The following TMEM132B variants were observed in gnomAD, a reference collection of about 807,000 sequenced individuals.
TMEM132B encodes the protein transmembrane protein 132B.
A neutral mutation model predicts 90.8 loss-of-function variants in TMEM132B; 18 were observed. The observed-to-expected ratio is 0.20, with a 90% CI of 0.14 to 0.29. The LOEUF is 0.29. TMEM132B is among the 10% of genes least tolerant of loss of function. TMEM132B has a pLI of 1.00. For synonymous variants in TMEM132B, 504 were observed against 523.3 expected, an observed-to-expected ratio of 0.96 and a Z score of 0.50; for missense variants, 1,096 against 1,326.8, an observed-to-expected ratio of 0.83 and a Z score of 2.70.
intron 1 of TMEM132B, among the ~76,000 whole-genome samples, chr12:125,248,904 C>T (rs1874259686): frequency 6.6e-6 from 1 of 152,174 alleles, no homozygotes; most frequent in Non-Finnish European, 1.5e-5. Context: ...AGTCTTCTTC[C>T]TGGGGAACCC....
At chr12:125,611,345 A>T (rs958749580) in intron 5 of TMEM132B, among the ~76,000 whole-genome samples, 16 of 151,158 alleles carry the variant, frequency 1.1e-4, no homozygotes, top group South Asian at 2.1e-4. Flanking sequence ...TTGATATTTT[A>T]AAAAAAACAA....
intron 3 of TMEM132B, among the ~76,000 whole-genome samples, chr12:125,474,268 C>T (rs1881810762): frequency 7.3e-6 from 1 of 137,900 alleles, no homozygotes. Flanking sequence ...CTCCCCTCCC[C>T]TCCCTCCCCT....
chr12:125,608,095 A>G (rs1885739358), intron 5 of TMEM132B, among the ~76,000 whole-genome samples: 1 of 152,122 alleles, frequency 6.6e-6, no homozygotes, highest in Non-Finnish European at 1.5e-5. Flanking sequence ...ATTTCTTTTG[A>G]GCGTATACTT....
intron 1 of TMEM132B, among the ~76,000 whole-genome samples, chr12:125,240,555 T>TA (rs1469033649): frequency 3.3e-5 from 5 of 151,912 alleles, no homozygotes; most frequent in Non-Finnish European, 7.4e-5. Flanking sequence ...AGTCAGAGGG[T>TA]AGGAATGAGT....
At chr12:125,500,182 C>T (rs1882662367) in intron 3 of TMEM132B, among the ~76,000 whole-genome samples, 1 of 152,200 alleles carries the variant, frequency 6.6e-6, no homozygotes, top group Admixed American at 6.5e-5. Flanking sequence ...GGCTGCTGGC[C>T]AGATCCTGCA....
At chr12:125,643,328 C>T (rs916253554) in intron 5 of TMEM132B, among the ~76,000 whole-genome samples, 7 of 152,212 alleles carry the variant, frequency 4.6e-5, no homozygotes, top group African/African-American at 1.7e-4. Flanking sequence ...TCTTTCTTCT[C>T]TCTACCTAGT....
chr12:125,646,204 G>T (rs1179935689), intron 6 of TMEM132B, among the ~76,000 whole-genome samples: 1 of 152,190 alleles, frequency 6.6e-6, no homozygotes, highest in Admixed American at 6.5e-5. Context: ...TGGAAAGCAA[G>T]TGAGGTCAGA....
chr12:125,239,685 T>C (rs1026919352), intron 1 of TMEM132B, among the ~76,000 whole-genome samples: 2 of 152,234 alleles, frequency 1.3e-5, no homozygotes, highest in African/African-American at 4.8e-5. Flanking sequence ...GGGGCACTTA[T>C]GTGAATGCGG....
intron 1 of TMEM132B, among the ~76,000 whole-genome samples, chr12:125,302,173 C>T (rs1184422224): frequency 6.6e-6 from 1 of 151,956 alleles, no homozygotes; most frequent in African/African-American, 2.4e-5. Context: ...GCACTCCAGG[C>T]TGGCGACAGA....
chr12:125,505,166 C>CCAAA (rs1882804921), intron 3 of TMEM132B, among the ~76,000 whole-genome samples: 1 of 28,592 alleles, frequency 3.5e-5, no homozygotes, highest in African/African-American at 1.1e-4. Flanking sequence ...CACCAGAGGA[C>CCAAA]AAAAAAAAAA....
In TMEM132B at chr12:125,212,007, T is replaced by G. The variant is rs142132231; in HGVS notation, c.67+25141T>G. ...TTGTTGGTTTGAACAGGATCCAGAA[T>G]GTGTGGATTTGGTCACCTTTCTTCC... On this transcript the variant is annotated intron_variant, in intron 1 of 8. Transcript: ENST00000682704. Among the ~76,000 whole-genome samples, 273 of 152,354 alleles carry G rather than the reference T, an allele frequency of 1.8e-3. 3 individuals carry two copies. Among genetic ancestry groups the G allele is most frequent in the Non-Finnish European group, 2.0e-3 (139 of 68,034 alleles).
intron 1 of TMEM132B, among the ~76,000 whole-genome samples, chr12:125,319,369 T>G (rs326385): frequency 6.6e-6 from 1 of 152,048 alleles, no homozygotes; most frequent in African/African-American, 2.4e-5. Context: ...GAACTTGGCT[T>G]TCCAGTATGG....
rs551953187 is a variant in TMEM132B at position 125,271,106 on chromosome 12, A to G, written c.68-78346A>G. Among the ~76,000 whole-genome samples, 6 of 152,238 alleles carry G rather than the reference A, an allele frequency of 3.9e-5. No individual in the cohort carries two copies. The South Asian group carries it at 1.0e-3, about 26-fold the overall frequency. ...TCTGGGACTATAGGTGTGCACCACC[A>G]TGTACCATACCCTGCTAATTTTTAA... is the stretch of plus-strand genomic sequence containing the variant. On this transcript the variant is annotated intron_variant, in intron 1 of 8. Coordinates refer to ENST00000682704, the MANE Select transcript of TMEM132B (RefSeq NM_001366854.1).
intron 2 of TMEM132B, among the ~76,000 whole-genome samples, chr12:125,360,072 G>A (rs1444760085): frequency 2.0e-5 from 3 of 152,162 alleles, no homozygotes; most frequent in African/African-American, 4.8e-5. Context: ...GCAAGACTCC[G>A]TCTCAAAACA....
chr12:125,582,508 G>T (rs1395938634), intron 4 of TMEM132B, among the ~76,000 whole-genome samples: 1 of 152,090 alleles, frequency 6.6e-6, no homozygotes, highest in African/African-American at 2.4e-5. Context: ...TCATTCTAGT[G>T]AGGCCAATTA....
chr12:125,635,573 G>T (rs926326020), intron 5 of TMEM132B, among the ~76,000 whole-genome samples: 1 of 152,096 alleles, frequency 6.6e-6, no homozygotes, highest in Non-Finnish European at 1.5e-5. Flanking sequence ...CCAAGTCTTT[G>T]CTATTGTGAA....
rs1024810131 is a variant in TMEM132B at position 125,653,990 on chromosome 12, C to A, written c.2532C>A (p.Gly844=). ...QEWFHRGTPV[G]QEESTNKSTT... is the part of the protein sequence containing the mutation. Reference sequence around the variant, plus strand: ...GGTTCCACCGTGGCACACCTGTTGGCCAAGAGGAAAGTACCAACAAAAGCA... The same window carrying A: ...GGTTCCACCGTGGCACACCTGTTGGACAAGAGGAAAGTACCAACAAAAGCA... Residue 844 remains glycine, a synonymous_variant, in exon 9 of 9, where the codon GGC becomes GGA. Transcript: ENST00000682704. 1.9e-6 allele frequency: 3 copies of A among 1,614,142 alleles called. No homozygotes were observed. The highest frequency in any genetic ancestry group is 1.7e-6 in the Non-Finnish European group (2 of 1,180,022).
chr12:125,461,577 G>C (rs1210285597), intron 3 of TMEM132B, among the ~76,000 whole-genome samples: 1 of 152,240 alleles, frequency 6.6e-6, no homozygotes, highest in East Asian at 1.9e-4. Flanking sequence ...TGGATTTGAG[G>C]TAGAATCTCT....
At chr12:125,217,511 A>G (rs1349262596) in intron 1 of TMEM132B, among the ~76,000 whole-genome samples, 1 of 152,158 alleles carries the variant, frequency 6.6e-6, no homozygotes, top group East Asian at 1.9e-4. Context: ...CAGTGGCACA[A>G]TCTCAGTTCA....
Sources: allele counts gnomAD v4.1 joint callset (sites outside exome capture counted in the v4.1 genomes callset), GRCh38; gene constraint gnomAD v4.1.1; transcripts MANE v1.5; gene names NCBI Gene and HGNC (gene_info 2026-07-23, HGNC 2026-07-21).